Variants in IGF2BP3 observed in about 807,000 individuals in gnomAD.
IGF2BP3 encodes insulin like growth factor 2 mRNA binding protein 3, also known as insulin-like growth factor 2 mRNA-binding protein 3.
A neutral mutation model predicts 73.8 loss-of-function variants in IGF2BP3; 9 were observed. That is an observed-to-expected ratio of 0.12 (90% CI 0.07 to 0.21). The LOEUF (loss-of-function observed/expected upper bound fraction) is 0.21, where lower values mean the gene tolerates loss of function less well. IGF2BP3 is among the 10% of genes least tolerant of loss of function. The probability of loss-of-function intolerance (pLI) is 1.00; values close to 1 mark genes in which losing one functional copy is unlikely to be tolerated. For missense variants in IGF2BP3, 542 were observed against 714.0 expected, an observed-to-expected ratio of 0.76 and a Z score of 2.75; for synonymous variants, 258 against 256.7, an observed-to-expected ratio of 1.01 and a Z score of -0.05.
At position 23,319,085 on chromosome 7, in the gene IGF2BP3, T is replaced by C. The variant is rs537364430; in HGVS notation, c.1320+53A>G. On this transcript the variant is annotated intron_variant, in intron 11 of 14. Coordinates refer to ENST00000258729, the MANE Select transcript of IGF2BP3 (RefSeq NM_006547.3). ...AATTATAAAGTGGCAAGAAGATTCA[T>C]ATTTCTGTAACTTACTTAAAGAACC... is the stretch of plus-strand genomic sequence containing the variant. 91 of 1,118,346 alleles carry C rather than the reference T, an allele frequency of 8.1e-5. 1 individual carries two copies. The South Asian group carries it at 9.6e-4, about 12-fold the overall frequency. The allele number at this position is 1,118,346 out of a possible 1,614,324, so 69.3% of individuals were successfully genotyped here. A position where few individuals can be genotyped will look rare whatever the true frequency, so the allele number is the denominator to read the frequency against.
chr7:23,385,751 AAGAG>A (rs1786063313), intron 3 of IGF2BP3, among the ~76,000 whole-genome samples: 1 of 151,986 alleles, frequency 6.6e-6, no homozygotes, highest in South Asian at 2.1e-4. Flanking sequence ...TTTTTTTAGA[AAGAG>A]AGACAGGGTC....
At chr7:23,399,139 T>C (rs1208512565) in intron 3 of IGF2BP3, among the ~76,000 whole-genome samples, 6 of 152,136 alleles carry the variant, frequency 3.9e-5, no homozygotes, top group African/African-American at 1.2e-4. Flanking sequence ...GCTGGCCAGT[T>C]TTCCCAGCAC....
At chr7:23,354,647 A>G (rs1785047276) in intron 5 of IGF2BP3, among the ~76,000 whole-genome samples, 1 of 152,234 alleles carries the variant, frequency 6.6e-6, no homozygotes, top group African/African-American at 2.4e-5. Context: ...TAACTTGGCA[A>G]AAACTAACTT....
In IGF2BP3 at chr7:23,389,981, T is replaced by TAC. The variant is rs146735756; in HGVS notation, c.286-28242_286-28241dup. Among the ~76,000 whole-genome samples, 14 of 151,532 alleles carry TAC rather than the reference T, an allele frequency of 9.2e-5. 1 individual carries two copies. The highest frequency in any genetic ancestry group is 5.3e-4 in the Admixed American group (8 of 15,190). On this transcript the variant is annotated intron_variant, in intron 3 of 14. Transcript: ENST00000258729. ...ACAGAGTGAGACCCTGTCTCTAAAA[T>TAC]ACACACACACACACCCCTTTGACTA...
intron 5 of IGF2BP3, among the ~76,000 whole-genome samples, chr7:23,356,827 C>T (rs1785107461): frequency 6.6e-6 from 1 of 152,008 alleles, no homozygotes; most frequent in Admixed American, 6.6e-5. Flanking sequence ...GGCTTCATGA[C>T]TAAATTGGTT....
At position 23,419,984 on chromosome 7, in the gene IGF2BP3, T is replaced by C. The variant is rs532858146; in HGVS notation, c.237-1160A>G. ...CCAAATGCCTCCCTACACATGTATA[T>C]ATGTATGTATAAGGGAAGGAAGAGG... On this transcript the variant is annotated intron_variant, in intron 2 of 14. Transcript: ENST00000258729. Among the ~76,000 whole-genome samples the C allele has an allele frequency of 2.7e-4, 41 of 152,228 alleles. No homozygotes were observed. The South Asian group carries it at 7.7e-3, about 29-fold the overall frequency.
At chr7:23,465,347 C>T (rs1788541599) in intron 2 of IGF2BP3, among the ~76,000 whole-genome samples, 1 of 152,204 alleles carries the variant, frequency 6.6e-6, no homozygotes, top group African/African-American at 2.4e-5. Context: ...GCAATCTTCT[C>T]TTTAGTCCAG....
intron 2 of IGF2BP3, among the ~76,000 whole-genome samples, chr7:23,444,456 T>C (rs1181625427): frequency 6.6e-6 from 1 of 152,058 alleles, no homozygotes; most frequent in Non-Finnish European, 1.5e-5. Flanking sequence ...AAATTGCTTT[T>C]TAGGTCAGGT....
Position 23,312,138 on chromosome 7 carries a change from T to G in IGF2BP3, c.*224A>C. 2.2e-6 allele frequency: 1 copy of G among 457,870 alleles called. No individual in the cohort carries two copies. The highest frequency in any genetic ancestry group is 3.9e-6 in the Non-Finnish European group (1 of 257,002). 28.4% of individuals were successfully genotyped at this position (457,870 alleles called of 1,614,324 possible). ...CTCCCTCCCCCACCCTTTTTTTGTT[T>G]GTTTGTTTGTTTGTTTTAAAGCTGG... On this transcript the variant is annotated 3_prime_UTR_variant, in exon 15 of 15. Transcript: ENST00000258729.
Position 23,312,064 on chromosome 7 carries a change from T to G in IGF2BP3, c.*298A>C. The G allele has an allele frequency of 2.9e-6, 1 of 341,618 alleles. No individual in the cohort carries two copies. The highest frequency in any genetic ancestry group is 7.3e-5 in the South Asian group (1 of 13,648). The allele number at this position is 341,618 out of a possible 1,614,324, so 21.2% of individuals were successfully genotyped here. ...ATATTAAGAAGAATTAGAATATCTG[T>G]TATACTGTGAGACTACAACAAAGGG... is the stretch of plus-strand genomic sequence containing the variant. On this transcript the variant is annotated 3_prime_UTR_variant, in exon 15 of 15. Transcript: ENST00000258729.
chr7:23,360,229 T>C (rs548581287), intron 5 of IGF2BP3, among the ~76,000 whole-genome samples: 2 of 152,258 alleles, frequency 1.3e-5, no homozygotes, highest in Non-Finnish European at 2.9e-5. Context: ...CATGCTTACA[T>C]ACACACGACA....
Position 23,418,796 on chromosome 7 carries a change from G to T in IGF2BP3, c.265C>A (p.Pro89Thr). ...CTTACCTCCCACTGTAAATGAGGCG[G>T]GATATTTCGTATCTGAAGTTTCCGA... Reference protein sequence around the residue: ...RIRKLQIRNIPPHLQWEVLDS... With the variant: ...RIRKLQIRNITPHLQWEVLDS... Residue 89 changes from proline (P) to threonine (T), a missense_variant, in exon 3 of 15, where the codon CCG becomes ACG. By Grantham distance (38) the Pro-to-Thr change is conservative. Transcript: ENST00000258729. 1 of 1,583,152 alleles carries T rather than the reference G, an allele frequency of 6.3e-7. No individual in the cohort carries two copies. Among genetic ancestry groups the T allele is most frequent in the East Asian group, 2.3e-5 (1 of 44,394 alleles).
chr7:23,419,090 C>A (rs1428990080), intron 2 of IGF2BP3, among the ~76,000 whole-genome samples: 1 of 152,190 alleles, frequency 6.6e-6, no homozygotes, highest in Non-Finnish European at 1.5e-5. Flanking sequence ...GTTTAAAACA[C>A]ACTTATCTGA....
intron 2 of IGF2BP3, among the ~76,000 whole-genome samples, chr7:23,444,938 G>A (rs934937391): frequency 1.3e-5 from 2 of 152,014 alleles, no homozygotes; most frequent in Admixed American, 6.6e-5. Context: ...ATCAGGTGTG[G>A]TCTCAGCTCC....
chr7:23,378,997 A>C (rs1424414958), intron 3 of IGF2BP3, among the ~76,000 whole-genome samples: 1 of 152,206 alleles, frequency 6.6e-6, no homozygotes, highest in Non-Finnish European at 1.5e-5. Context: ...ACACCAACTC[A>C]TTGTGGCATA....
At position 23,311,630 on chromosome 7, in the gene IGF2BP3, T is replaced by C. The variant is rs545916169; in HGVS notation, c.*732A>G. 3 of 152,582 alleles carry C rather than the reference T, an allele frequency of 2.0e-5. No homozygotes were observed. Among genetic ancestry groups the C allele is most frequent in the Admixed American group, 2.0e-4 (3 of 15,300 alleles). The allele number at this position is 152,582 out of a possible 1,614,324, so 9.5% of individuals were successfully genotyped here. ...AAACCCTGAAATTAATTTTCCAGCT[T>C]TACTGTCACCAGCCAGAAGTAAAAA... On this transcript the variant is annotated 3_prime_UTR_variant, in exon 15 of 15. Transcript: ENST00000258729.
intron 3 of IGF2BP3, among the ~76,000 whole-genome samples, chr7:23,400,495 C>A (rs986869541): frequency 1.3e-5 from 2 of 152,122 alleles, no homozygotes; most frequent in Admixed American, 1.3e-4. Flanking sequence ...GCCACACCAA[C>A]ATTACAACCA....
At chr7:23,320,947 C>CAAAAAAAAAAAAAA (rs70966008) in intron 10 of IGF2BP3, among the ~76,000 whole-genome samples, 56 of 96,088 alleles carry the variant, frequency 5.8e-4, no homozygotes, top group African/African-American at 9.5e-4. Context: ...AACTCTGTCT[C>CAAAAAAAAAAAAAA]AAAAAAAAAA....
intron 3 of IGF2BP3, among the ~76,000 whole-genome samples, chr7:23,382,548 G>A (rs2128517672): frequency 6.6e-6 from 1 of 152,150 alleles, no homozygotes; most frequent in African/African-American, 2.4e-5. Context: ...ATGACCAAAA[G>A]TTCAGCTAAA....
Sources: allele counts gnomAD v4.1 joint callset (sites outside exome capture counted in the v4.1 genomes callset), GRCh38; gene constraint gnomAD v4.1.1; transcripts MANE v1.5; gene names NCBI Gene and HGNC (gene_info 2026-07-23, HGNC 2026-07-21).